Variants in JARID2 observed in about 807,000 individuals in gnomAD.
JARID2 encodes the protein protein Jumonji.
In JARID2, 21 loss-of-function variants were observed where a neutral mutation model predicts 125.6. That is an observed-to-expected ratio of 0.17 (90% CI 0.12 to 0.24). The LOEUF (loss-of-function observed/expected upper bound fraction) is 0.24. Ranked by LOEUF, JARID2 falls within the 10% of genes least tolerant of loss-of-function variation. The pLI is 1.00. For missense variants in JARID2, 1,303 were observed against 1,639.6 expected (o/e 0.79, Z 3.55); for synonymous variants, 736 against 661.6 (o/e 1.11, Z -1.73).
intron 5 of JARID2, among the ~76,000 whole-genome samples, chr6:15,473,821 ATGTC>A (rs1769211790): frequency 6.6e-6 from 1 of 152,164 alleles, no homozygotes; most frequent in Admixed American, 6.5e-5. Flanking sequence ...AATCCACAGG[ATGTC>A]AGTGCTTCCT....
intron 1 of JARID2, among the ~76,000 whole-genome samples, chr6:15,356,562 T>A (rs1022176604): frequency 2.6e-5 from 4 of 152,306 alleles, no homozygotes; most frequent in African/African-American, 4.8e-5. Context: ...ATTTTTTTTT[T>A]AGGCAAATTC....
chr6:15,480,076 T>G (rs558234965), intron 5 of JARID2, among the ~76,000 whole-genome samples: 157 of 152,360 alleles, frequency 1.0e-3, no homozygotes, highest in African/African-American at 3.5e-3. Flanking sequence ...GAAGCGTACA[T>G]TTAAATATCT....
At chr6:15,487,220 TG>T in intron 5 of JARID2, 86 bp from the exon 6 acceptor site, 2 of 1,090,996 alleles carry the variant, frequency 1.8e-6, no homozygotes, top group Non-Finnish European at 2.7e-6. Flanking sequence ...GAGATTTGGG[TG>T]GGGACACAGA....
chr6:15,305,860 A>G (rs562969024), intron 1 of JARID2, among the ~76,000 whole-genome samples: 2 of 152,372 alleles, frequency 1.3e-5, no homozygotes, highest in African/African-American at 2.4e-5. Flanking sequence ...TGAATTTACA[A>G]GGGAGTTCAC....
intron 3 of JARID2, among the ~76,000 whole-genome samples, chr6:15,433,958 GTGTGT>G (rs1767089008): frequency 7.5e-6 from 1 of 133,750 alleles, no homozygotes; most frequent in South Asian, 2.3e-4. Context: ...GTGTGTGTGT[GTGTGT>G]GTGTGTGTCA....
At chr6:15,283,341 A>ATT (rs58985984) in intron 1 of JARID2, among the ~76,000 whole-genome samples, 9 of 123,822 alleles carry the variant, frequency 7.3e-5, no homozygotes, top group East Asian at 2.4e-4. Context: ...TCCTTTAAGT[A>ATT]TTTTTTTTTT....
Position 15,513,006 on chromosome 6 carries a change from C to T in JARID2, c.3227C>T (p.Pro1076Leu). 6.2e-7 allele frequency: 1 copy of T among 1,614,024 alleles called. No homozygotes were observed. The highest frequency in any genetic ancestry group is 8.5e-7 in the Non-Finnish European group (1 of 1,180,012). ...AQAEAKKENGPTLSTISALLD... is the reference protein window; with the variant it reads ...AQAEAKKENGLTLSTISALLD... ...GCAGAAGCAAAAAAAGAAAACGGTC[C>T]CACTCTCAGTACCATCTCAGCCCTC... is the stretch of plus-strand genomic sequence containing the variant. The change falls in exon 15 of 18, where the codon CCC (proline) becomes CTC (leucine). Residue 1076 changes from proline to leucine, a missense_variant. By Grantham distance (98) the Pro-to-Leu change is moderately conservative (BLOSUM62 -3). Around this residue, in one of 11 missense-constraint regions of JARID2, gnomAD observed 190 missense variants for 341.4 expected, o/e 0.56. Coordinates refer to ENST00000341776, the MANE Select transcript of JARID2 (RefSeq NM_004973.4).
Position 15,362,951 on chromosome 6 carries a change from G to A in JARID2, c.46-11166G>A, listed in dbSNP as rs1309835142. Among the ~76,000 whole-genome samples the A allele has an allele frequency of 2.6e-5, 4 of 152,182 alleles. No homozygotes were observed. In the East Asian group the frequency reaches 7.7e-4, roughly 29 times the overall value. On this transcript the variant is annotated intron_variant, in intron 1 of 17. Transcript: ENST00000341776. ...GTCCAGTTTCGGTTTCTAGACCAGA[G>A]TAGCCAGGAAGGTGGTGTGGAGAGG... is the stretch of plus-strand genomic sequence containing the variant.
intron 1 of JARID2, among the ~76,000 whole-genome samples, chr6:15,323,901 G>T (rs1289657207): frequency 6.6e-6 from 1 of 150,848 alleles, no homozygotes; most frequent in East Asian, 2.0e-4. Flanking sequence ...AAATAAAAAA[G>T]GCTGGGCGTG....
chr6:15,264,638 T>A lies in JARID2; in HGVS notation c.45+18054T>A, dbSNP rs530064371. On this transcript the variant is annotated intron_variant, in intron 1 of 17. Coordinates refer to ENST00000341776, the MANE Select transcript of JARID2 (RefSeq NM_004973.4). ...GTGTGTGTGTGTGTGTGTGTGTGTG[T>A]GTGAGAGAGAGAGAGATAGAGAGAG... is the stretch of plus-strand genomic sequence containing the variant. Among the ~76,000 whole-genome samples the A allele has an allele frequency of 2.2e-4, 33 of 148,642 alleles. No individual in the cohort carries two copies. In the East Asian group the frequency reaches 3.4e-3, roughly 15 times the overall value.
intron 2 of JARID2, among the ~76,000 whole-genome samples, chr6:15,386,581 C>A (rs1764797709): frequency 6.6e-6 from 1 of 152,224 alleles, no homozygotes; most frequent in Non-Finnish European, 1.5e-5. Flanking sequence ...GGTGATCCCC[C>A]CTCCTACTGG....
intron 1 of JARID2, among the ~76,000 whole-genome samples, chr6:15,249,752 G>A (rs555178656): frequency 6.6e-6 from 1 of 152,256 alleles, no homozygotes; most frequent in East Asian, 1.9e-4. Flanking sequence ...ATTGTCGATA[G>A]TAGGCTTTGG....
chr6:15,449,498 A>G (rs1767821156), intron 3 of JARID2, among the ~76,000 whole-genome samples: 1 of 151,176 alleles, frequency 6.6e-6, no homozygotes, highest in East Asian at 1.9e-4. Flanking sequence ...AAAAAAACCC[A>G]GCAACAGCAA....
intron 2 of JARID2, among the ~76,000 whole-genome samples, chr6:15,396,531 A>G (rs1025903613): frequency 1.1e-4 from 17 of 152,180 alleles, no homozygotes; most frequent in African/African-American, 3.9e-4. Flanking sequence ...TGGGTGATAC[A>G]TTTCAATACC....
At chr6:15,326,701 A>G (rs1021639446) in intron 1 of JARID2, among the ~76,000 whole-genome samples, 1 of 152,210 alleles carries the variant, frequency 6.6e-6, no homozygotes, top group Admixed American at 6.5e-5. Context: ...TGGTTTCACC[A>G]TGTTGGCCTT....
At chr6:15,518,138 T>C (rs1771654144) in intron 17 of JARID2, among the ~76,000 whole-genome samples, 1 of 152,262 alleles carries the variant, frequency 6.6e-6, no homozygotes, top group Non-Finnish European at 1.5e-5. Context: ...TCCTTCACCT[T>C]AGCAGCAAAT....
intron 2 of JARID2, among the ~76,000 whole-genome samples, chr6:15,379,537 A>G (rs1023843045): frequency 6.6e-6 from 1 of 152,122 alleles, no homozygotes; most frequent in Non-Finnish European, 1.5e-5. Flanking sequence ...ACTGTATTTG[A>G]ATTTCATTTG....
intron 3 of JARID2, among the ~76,000 whole-genome samples, chr6:15,430,339 C>T (rs186448395): frequency 2.0e-5 from 3 of 152,110 alleles, no homozygotes; most frequent in Non-Finnish European, 2.9e-5. Context: ...GTACAATTGA[C>T]CTCAATGTTA....
In JARID2 at chr6:15,469,292, C is replaced by CTCTCTG. The variant is rs1250090686; in HGVS notation, c.670+586_670+591dup. Among the ~76,000 whole-genome samples, 4 of 75,178 alleles carry CTCTCTG rather than the reference C, an allele frequency of 5.3e-5. 1 individual carries two copies. In the Admixed American group the frequency reaches 6.4e-4, roughly 12 times the overall value. 49.3% of individuals were successfully genotyped at this position (75,178 alleles called of 152,430 possible). On this transcript the variant is annotated intron_variant, in intron 5 of 17. Coordinates refer to ENST00000341776, the MANE Select transcript of JARID2 (RefSeq NM_004973.4). ...TGTCTCTCTGTCTCTCTGTCTCTGTCTCTCTGTCTCTGTCTCTCTCTCTCT... is the reference window on the plus strand; with the variant it reads ...TGTCTCTCTGTCTCTCTGTCTCTGTCTCTCTGTCTCTGTCTCTGTCTCTCTCTCTCT...
Sources: allele counts gnomAD v4.1 joint callset (sites outside exome capture counted in the v4.1 genomes callset), GRCh38; gene constraint gnomAD v4.1.1; regional missense constraint gnomAD v4.1.1; transcripts MANE v1.5; gene names NCBI Gene and HGNC (gene_info 2026-07-23, HGNC 2026-07-21).